The following NPFFR2 variants were observed in gnomAD, a reference collection of about 807,000 sequenced individuals.
The protein encoded by NPFFR2 is G-protein coupled receptor 74.
Under a neutral mutation model 13.1 loss-of-function variants are expected in NPFFR2, and 15 were observed. The observed-to-expected ratio is 1.15, with a 90% CI of 0.77 to 1.76. The LOEUF is 1.76. NPFFR2 is among the 40% of genes most tolerant of loss of function. The pLI, the probability that NPFFR2 is intolerant of heterozygous loss-of-function variation, is 0.00. For missense variants in NPFFR2, 572 were observed against 503.5 expected (o/e 1.14, Z -1.30); for synonymous variants, 190 against 175.7 (o/e 1.08, Z -0.65).
intron 1 of NPFFR2, among the ~76,000 whole-genome samples, chr4:72,109,238 T>G (rs996653410): frequency 3.9e-5 from 6 of 152,042 alleles, no homozygotes; most frequent in African/African-American, 1.4e-4. Context: ...AGTGTTATTC[T>G]TGAGCTTATT....
At chr4:72,092,942 C>T (rs1029215808) in intron 1 of NPFFR2, among the ~76,000 whole-genome samples, 1 of 152,126 alleles carries the variant, frequency 6.6e-6, no homozygotes, top group Non-Finnish European at 1.5e-5. Context: ...GAGTTTTATG[C>T]TTCAAGGAGG....
intron 1 of NPFFR2, among the ~76,000 whole-genome samples, chr4:72,091,080 A>T (rs1017328627): frequency 9.2e-5 from 14 of 152,058 alleles, no homozygotes; most frequent in Non-Finnish European, 1.0e-4. Context: ...TTCTGCATCT[A>T]TTGAGATGAT....
At chr4:72,040,656 A>T (rs1719182060) in intron 1 of NPFFR2, among the ~76,000 whole-genome samples, 1 of 152,108 alleles carries the variant, frequency 6.6e-6, no homozygotes, top group African/African-American at 2.4e-5. Flanking sequence ...TTCCAAAACA[A>T]ATCCTGTCAC....
chr4:72,111,997 G>C (rs1428093455), intron 1 of NPFFR2, among the ~76,000 whole-genome samples: 2 of 151,916 alleles, frequency 1.3e-5, no homozygotes, highest in East Asian at 3.9e-4. Context: ...ACCAGTTCCT[G>C]GCTTTTTTAC....
At chr4:72,056,929 TG>T (rs1427208094) in intron 1 of NPFFR2, among the ~76,000 whole-genome samples, 3 of 151,646 alleles carry the variant, frequency 2.0e-5, no homozygotes, top group Admixed American at 6.6e-5. Flanking sequence ...GCAAAGAGAG[TG>T]GTTTTTTGTC....
intron 1 of NPFFR2, among the ~76,000 whole-genome samples, chr4:72,074,340 T>C (rs892264805): frequency 6.6e-6 from 1 of 152,088 alleles, no homozygotes; most frequent in Non-Finnish European, 1.5e-5. Flanking sequence ...GATTTTGTCA[T>C]CTCACTTCAT....
intron 1 of NPFFR2, among the ~76,000 whole-genome samples, chr4:72,104,169 C>T (rs891310697): frequency 3.3e-5 from 5 of 152,086 alleles, no homozygotes; most frequent in East Asian, 1.9e-4. Context: ...TTAGGTCTTT[C>T]GATTTCTGCA....
At chr4:72,090,565 A>G (rs1288942453) in intron 1 of NPFFR2, among the ~76,000 whole-genome samples, 3 of 151,788 alleles carry the variant, frequency 2.0e-5, no homozygotes, top group Non-Finnish European at 2.9e-5. Context: ...ATTCCTAAGT[A>G]TTTTATTTCC....
chr4:72,120,138 T>C (rs28855235), intron 1 of NPFFR2, among the ~76,000 whole-genome samples: 12,182 of 152,114 alleles, frequency 0.08, 1,531 homozygotes, highest in African/African-American at 0.27. Flanking sequence ...GCAGTTTTCC[T>C]CTCCCAGTGT....
At chr4:72,099,712 G>A (rs1009007139) in intron 1 of NPFFR2, among the ~76,000 whole-genome samples, 3 of 151,944 alleles carry the variant, frequency 2.0e-5, no homozygotes, top group Non-Finnish European at 2.9e-5. Context: ...CTCCAACACC[G>A]GGAATTACAT....
chr4:72,077,440 C>T (rs1379482693), intron 1 of NPFFR2, among the ~76,000 whole-genome samples: 1 of 152,166 alleles, frequency 6.6e-6, no homozygotes, highest in Non-Finnish European at 1.5e-5. Context: ...CAACCATCCT[C>T]ATACACTGAC....
At chr4:72,059,284 A>C (rs1244722611) in intron 1 of NPFFR2, among the ~76,000 whole-genome samples, 1 of 152,114 alleles carries the variant, frequency 6.6e-6, no homozygotes, top group Non-Finnish European at 1.5e-5. Context: ...GAAAAGATAT[A>C]GTTTCACATA....
chr4:72,063,504 C>T (rs1435229176), intron 1 of NPFFR2, among the ~76,000 whole-genome samples: 2 of 152,132 alleles, frequency 1.3e-5, no homozygotes, highest in East Asian at 3.9e-4. Flanking sequence ...TATTTTAAGG[C>T]TATTGAGTTA....
chr4:72,117,782 T>A (rs1721754765), intron 1 of NPFFR2, among the ~76,000 whole-genome samples: 1 of 152,186 alleles, frequency 6.6e-6, no homozygotes, highest in Admixed American at 6.5e-5. Flanking sequence ...AGGAATCCAA[T>A]AATGAAAGAA....
At chr4:72,119,079 T>C (rs1048600487) in intron 1 of NPFFR2, among the ~76,000 whole-genome samples, 6 of 152,134 alleles carry the variant, frequency 3.9e-5, no homozygotes, top group Non-Finnish European at 8.8e-5. Flanking sequence ...AAAAAATATA[T>C]GCTGGTATAG....
chr4:72,041,968 G>A (rs185977270), intron 1 of NPFFR2, among the ~76,000 whole-genome samples: 24 of 152,254 alleles, frequency 1.6e-4, no homozygotes, highest in Admixed American at 1.4e-3. Context: ...TTCCTTTGCT[G>A]TGCAGAAGCT....
At chr4:72,079,087 C>CAG (rs1553890218) in intron 1 of NPFFR2, among the ~76,000 whole-genome samples, 1 of 143,238 alleles carries the variant, frequency 7.0e-6, no homozygotes, top group Admixed American at 7.0e-5. Context: ...CACACACACA[C>CAG]ATCTGTTGAA....
chr4:72,136,727 A>T (rs998418043), intron 2 of NPFFR2, among the ~76,000 whole-genome samples: 1 of 151,916 alleles, frequency 6.6e-6, no homozygotes, highest in Non-Finnish European at 1.5e-5. Context: ...GGCACTCATT[A>T]CCCCCGCACC....
intron 2 of NPFFR2, 86 bp from the exon 3 acceptor site, chr4:72,137,954 G>A: frequency 1.0e-6 from 1 of 978,274 alleles, no homozygotes; most frequent in Non-Finnish European, 1.6e-6. Context: ...AGTTACATTA[G>A]TCTCGTTTCC....
Sources: allele counts gnomAD v4.1 joint callset (sites outside exome capture counted in the v4.1 genomes callset), GRCh38; gene constraint gnomAD v4.1.1; transcripts MANE v1.5; gene names NCBI Gene and HGNC (gene_info 2026-07-23, HGNC 2026-07-21).